Variants in STARD13 observed in about 807,000 individuals in gnomAD.
STARD13 encodes the protein stAR-related lipid transfer protein 13.
In STARD13, 62 loss-of-function variants were observed where a neutral mutation model predicts 106.4. The ratio of observed to expected loss-of-function variants is 0.58; its 90% confidence interval spans 0.48 to 0.72. The LOEUF (loss-of-function observed/expected upper bound fraction) is 0.72. Ranked by LOEUF, STARD13 falls within the 30% of genes least tolerant of loss-of-function variation. The probability of loss-of-function intolerance (pLI) is 0.00; values close to 1 mark genes in which losing one functional copy is unlikely to be tolerated. For synonymous variants in STARD13, 565 were observed against 553.0 expected, an observed-to-expected ratio of 1.02 and a Z score of -0.31; for missense variants, 1,387 against 1,424.0, an observed-to-expected ratio of 0.97 and a Z score of 0.42.
intron 1 of STARD13, among the ~76,000 whole-genome samples, chr13:33,298,979 A>G (rs186514427): frequency 2.1e-4 from 32 of 152,350 alleles, no homozygotes; most frequent in Non-Finnish European, 4.0e-4. Flanking sequence ...ACAGTCTTAC[A>G]CCACATAACG....
At chr13:33,149,434 G>T (rs1880978710) in intron 3 of STARD13, among the ~76,000 whole-genome samples, 1 of 152,034 alleles carries the variant, frequency 6.6e-6, no homozygotes, top group Non-Finnish European at 1.5e-5. Context: ...TTCATTTTTT[G>T]GACTTTGAAA....
intron 7 of STARD13, among the ~76,000 whole-genome samples, chr13:33,122,409 G>A (rs972740742): frequency 3.3e-5 from 5 of 152,154 alleles, no homozygotes; most frequent in African/African-American, 4.8e-5. Context: ...ACCCATGGAC[G>A]GGCAGCCTGG....
intron 1 of STARD13, chr13:33,185,763 C>A: frequency 5.2e-6 from 5 of 956,806 alleles, no homozygotes; most frequent in Non-Finnish European, 7.9e-6. Flanking sequence ...TTTTATCTTT[C>A]CGCCATGTCC....
the STARD13 span, among the ~76,000 whole-genome samples, chr13:33,500,441 A>G: frequency 5.3e-5 from 8 of 152,230 alleles, no homozygotes; most frequent in African/African-American, 1.7e-4. Context: ...GTTCTGTATC[A>G]TTATACTTAT....
chr13:33,651,366 T>C, the STARD13 span, among the ~76,000 whole-genome samples: 1 of 152,226 alleles, frequency 6.6e-6, no homozygotes, highest in Non-Finnish European at 1.5e-5. Context: ...AAGCTTTTTA[T>C]CACTTTCGAA....
chr13:33,183,632 A>G (rs2138465012), intron 1 of STARD13, among the ~76,000 whole-genome samples: 1 of 152,296 alleles, frequency 6.6e-6, no homozygotes, highest in East Asian at 1.9e-4. Flanking sequence ...TGAAGCTTAG[A>G]GGTCTTCCAA....
the STARD13 span, among the ~76,000 whole-genome samples, chr13:33,675,428 C>T: frequency 1.3e-5 from 2 of 152,230 alleles, no homozygotes; most frequent in African/African-American, 4.8e-5. Flanking sequence ...ACTACTGCTG[C>T]ACCCTCAGAT....
At chr13:33,499,572 T>A in the STARD13 span, among the ~76,000 whole-genome samples, 1 of 68,068 alleles carries the variant, frequency 1.5e-5, no homozygotes, top group African/African-American at 5.4e-5. Flanking sequence ...TTCTTCTTCT[T>A]CTTCTTCTTC....
chr13:33,395,831 CATTTATTT>C, the STARD13 span, among the ~76,000 whole-genome samples: 2 of 151,904 alleles, frequency 1.3e-5, no homozygotes, highest in Non-Finnish European at 2.9e-5. Context: ...TCCTTTTAAA[CATTTATTT>C]ATTTATTTAT....
chr13:33,272,735 A>C (rs1891224719), intron 1 of STARD13: 1 of 152,228 alleles, frequency 6.6e-6, no homozygotes, highest in African/African-American at 2.4e-5. Context: ...GGCATTATCG[A>C]ACAAAGCAAT....
At chr13:33,548,678 T>C in the STARD13 span, among the ~76,000 whole-genome samples, 1 of 152,188 alleles carries the variant, frequency 6.6e-6, no homozygotes, top group Non-Finnish European at 1.5e-5. Context: ...CCTCATGCTA[T>C]AAAATAAAAC....
the STARD13 span, among the ~76,000 whole-genome samples, chr13:33,551,153 C>T: frequency 6.6e-6 from 1 of 151,870 alleles, no homozygotes; most frequent in African/African-American, 2.4e-5. Context: ...TCACAGGCAA[C>T]CCGCCATTGG....
At chr13:33,603,822 A>G in the STARD13 span, among the ~76,000 whole-genome samples, 1 of 152,200 alleles carries the variant, frequency 6.6e-6, no homozygotes, top group South Asian at 2.1e-4. Context: ...GTGTGATCCC[A>G]CAAACCCCAT....
At chr13:33,269,201 C>T (rs940602100) in intron 1 of STARD13, among the ~76,000 whole-genome samples, 2 of 152,174 alleles carry the variant, frequency 1.3e-5, no homozygotes, top group Non-Finnish European at 2.9e-5. Context: ...TAGTAACTAC[C>T]CTTTTCCCTA....
chr13:33,528,880 T>C, the STARD13 span, among the ~76,000 whole-genome samples: 1 of 152,184 alleles, frequency 6.6e-6, no homozygotes, highest in East Asian at 1.9e-4. Flanking sequence ...AAAATTATCA[T>C]TCTAATTTTT....
chr13:33,169,437 C>T (rs375222742), intron 1 of STARD13, among the ~76,000 whole-genome samples: 1 of 152,156 alleles, frequency 6.6e-6, no homozygotes, highest in East Asian at 1.9e-4. Flanking sequence ...GTGAGTTGCT[C>T]CTGAGTCATG....
At chr13:33,326,078 A>G (rs907738775) in intron 1 of STARD13, among the ~76,000 whole-genome samples, 1 of 151,174 alleles carries the variant, frequency 6.6e-6, no homozygotes, top group Non-Finnish European at 1.5e-5. Flanking sequence ...ATTTATCCCC[A>G]TCTCCCTCTC....
At chr13:33,198,907 T>A (rs1228852235) in intron 1 of STARD13, among the ~76,000 whole-genome samples, 2 of 152,214 alleles carry the variant, frequency 1.3e-5, no homozygotes, top group Admixed American at 1.3e-4. Flanking sequence ...AGTAACTACA[T>A]ATGATTTATT....
At chr13:33,402,835 C>A in the STARD13 span, among the ~76,000 whole-genome samples, 1 of 152,362 alleles carries the variant, frequency 6.6e-6, no homozygotes, top group South Asian at 2.1e-4. Flanking sequence ...AGGGGAAGAT[C>A]ATCCTCCCAC....
Sources: gnomAD v4.1 joint callset for allele counts (sites outside exome capture counted in the v4.1 genomes callset) on GRCh38, gnomAD v4.1.1 for gene constraint, MANE v1.5 for transcripts, NCBI Gene and HGNC (gene_info 2026-07-23, HGNC 2026-07-21) for gene names.